ANTXR1: variants seen among roughly 807,000 people sequenced by gnomAD.
ANTXR1 encodes anthrax toxin receptor 1.
Under a neutral mutation model 78.1 loss-of-function variants are expected in ANTXR1, and 19 were observed. That is an observed-to-expected ratio of 0.24 (90% CI 0.17 to 0.36). The LOEUF (loss-of-function observed/expected upper bound fraction) is 0.36. Among genes scored for constraint, ANTXR1 ranks in the 10% least tolerant of loss-of-function variants. ANTXR1 has a pLI of 1.00. For missense variants in ANTXR1, 518 were observed against 718.6 expected, an observed-to-expected ratio of 0.72 and a Z score of 3.19; for synonymous variants, 273 against 260.5, an observed-to-expected ratio of 1.05 and a Z score of -0.46.
At chr2:69,232,969 A>G (rs950181609) in intron 17 of ANTXR1, among the ~76,000 whole-genome samples, 2 of 152,196 alleles carry the variant, frequency 1.3e-5, no homozygotes, top group Non-Finnish European at 2.9e-5. Context: ...GTTTACCTGT[A>G]AGAATGCCCT....
At chr2:69,172,642 G>C (rs765372130) in intron 14 of ANTXR1, 1 of 785,618 alleles carries the variant, frequency 1.3e-6, no homozygotes, top group Non-Finnish European at 1.7e-6. Flanking sequence ...TCTGAGAGAG[G>C]CATGTCTACT....
intron 3 of ANTXR1, among the ~76,000 whole-genome samples, chr2:69,067,815 G>T (rs957550001): frequency 1.4e-4 from 21 of 152,302 alleles, no homozygotes; most frequent in African/African-American, 4.8e-4. Context: ...GCCATGCACT[G>T]CCCCCAGCAT....
At chr2:69,034,912 T>C (rs1345117736) in intron 1 of ANTXR1, among the ~76,000 whole-genome samples, 2 of 152,144 alleles carry the variant, frequency 1.3e-5, no homozygotes, top group Admixed American at 1.3e-4. Flanking sequence ...GGATCCACTT[T>C]CTGCCATTTC....
intron 9 of ANTXR1, among the ~76,000 whole-genome samples, chr2:69,098,657 T>C (rs1229565969): frequency 6.6e-6 from 1 of 152,232 alleles, no homozygotes; most frequent in Non-Finnish European, 1.5e-5. Flanking sequence ...TAAATTGAGC[T>C]ATATTTTACA....
At chr2:69,143,950 C>A (rs1271908089) in intron 12 of ANTXR1, among the ~76,000 whole-genome samples, 1 of 152,096 alleles carries the variant, frequency 6.6e-6, no homozygotes, top group African/African-American at 2.4e-5. Flanking sequence ...AAGGTGCCTA[C>A]CAGAAATAAC....
intron 10 of ANTXR1, among the ~76,000 whole-genome samples, chr2:69,111,854 G>A (rs12713671): frequency 0.37 from 55,742 of 151,986 alleles, 10,966 homozygotes; most frequent in East Asian, 0.49. Context: ...AAACACCTGG[G>A]CTCCAGGGCT....
At chr2:69,098,875 A>G (rs1671514764) in intron 9 of ANTXR1, among the ~76,000 whole-genome samples, 1 of 152,120 alleles carries the variant, frequency 6.6e-6, no homozygotes, top group Non-Finnish European at 1.5e-5. Context: ...AATCCCAGCT[A>G]CTCCGGAGGC....
At chr2:69,168,930 A>G (rs890342327) in intron 13 of ANTXR1, among the ~76,000 whole-genome samples, 3 of 152,252 alleles carry the variant, frequency 2.0e-5, no homozygotes, top group Non-Finnish European at 2.9e-5. Flanking sequence ...CCATACTTTC[A>G]GAGGACTGGA....
chr2:69,200,982 T>C (rs1674760097), intron 17 of ANTXR1, among the ~76,000 whole-genome samples: 1 of 152,172 alleles, frequency 6.6e-6, no homozygotes, highest in Admixed American at 6.5e-5. Flanking sequence ...AAGTCAACAC[T>C]AGGGATTCCT....
chr2:69,053,837 G>A (rs1451956583), intron 3 of ANTXR1, among the ~76,000 whole-genome samples: 2 of 152,038 alleles, frequency 1.3e-5, no homozygotes, highest in African/African-American at 4.8e-5. Context: ...ATACTCACTG[G>A]CAACACCATC....
At chr2:69,055,511 T>C (rs1670041375) in intron 3 of ANTXR1, among the ~76,000 whole-genome samples, 1 of 152,142 alleles carries the variant, frequency 6.6e-6, no homozygotes, top group Non-Finnish European at 1.5e-5. Flanking sequence ...GTGAGAGTAG[T>C]GTAGTCCACT....
chr2:69,229,057 T>C (rs192225175), intron 17 of ANTXR1, among the ~76,000 whole-genome samples: 194 of 152,170 alleles, frequency 1.3e-3, no homozygotes, highest in Non-Finnish European at 2.0e-3. Flanking sequence ...GGAACTCTTC[T>C]TCTAAGGGGA....
chr2:69,104,946 G>C (rs551326331), intron 10 of ANTXR1, among the ~76,000 whole-genome samples: 1 of 152,166 alleles, frequency 6.6e-6, no homozygotes. Context: ...TTAACTGGGC[G>C]TGGTGGTGCA....
intron 8 of ANTXR1, among the ~76,000 whole-genome samples, chr2:69,082,086 A>C (rs879567693): frequency 3.3e-5 from 5 of 152,212 alleles, no homozygotes; most frequent in Non-Finnish European, 5.9e-5. Flanking sequence ...AGAGAGGAAG[A>C]CACTGAGGAC....
chr2:69,111,253 C>A (rs1380641862), intron 10 of ANTXR1, among the ~76,000 whole-genome samples: 1 of 152,188 alleles, frequency 6.6e-6, no homozygotes, highest in African/African-American at 2.4e-5. Flanking sequence ...CTTTTTCCTC[C>A]TTTAGTATTC....
At chr2:69,036,566 G>A (rs1360211204) in intron 1 of ANTXR1, among the ~76,000 whole-genome samples, 1 of 152,126 alleles carries the variant, frequency 6.6e-6, no homozygotes, top group African/African-American at 2.4e-5. Flanking sequence ...TTGGACATGG[G>A]ATAAAGGAGG....
In ANTXR1 at chr2:69,032,526, C is replaced by G. The variant is rs368550080; in HGVS notation, c.153-7518C>G. Among the ~76,000 whole-genome samples the G allele has an allele frequency of 1.9e-4, 29 of 152,272 alleles. No homozygotes were observed. In the East Asian group the frequency reaches 4.8e-3, roughly 25 times the overall value. On this transcript the variant is annotated intron_variant, in intron 1 of 17. Transcript: ENST00000303714. ...TCACCCGACGATGTTGACCCATCCCCCTTTGATCTTTCTGGGGGATGCAAA... is the reference window on the plus strand; with the variant it reads ...TCACCCGACGATGTTGACCCATCCCGCTTTGATCTTTCTGGGGGATGCAAA...
chr2:69,057,870 G>A (rs936464636), intron 3 of ANTXR1, among the ~76,000 whole-genome samples: 1 of 152,108 alleles, frequency 6.6e-6, no homozygotes, highest in African/African-American at 2.4e-5. Context: ...GTTTTTAAAG[G>A]AAATAAAAAG....
intron 17 of ANTXR1, among the ~76,000 whole-genome samples, chr2:69,213,055 C>T (rs1267178234): frequency 2.7e-5 from 4 of 150,624 alleles, no homozygotes; most frequent in African/African-American, 9.8e-5. Context: ...AACCCTCCTG[C>T]CTCAGCTTCT....
Sources: allele counts gnomAD v4.1 joint callset (sites outside exome capture counted in the v4.1 genomes callset), GRCh38; gene constraint gnomAD v4.1.1; transcripts MANE v1.5; gene names NCBI Gene and HGNC (gene_info 2026-07-23, HGNC 2026-07-21).